Variants in SLC8A1 observed in about 807,000 individuals in gnomAD.
SLC8A1 encodes sodium/calcium exchanger 1.
SLC8A1 carries 18 observed loss-of-function variants against 68.3 expected under a neutral mutation model. The observed-to-expected ratio is 0.26, with a 90% CI of 0.18 to 0.39. The LOEUF (loss-of-function observed/expected upper bound fraction) is 0.39. Among genes scored for constraint, SLC8A1 ranks in the 10% least tolerant of loss-of-function variants. The probability of loss-of-function intolerance (pLI) is 1.00; values close to 1 mark genes in which losing one functional copy is unlikely to be tolerated. For synonymous variants in SLC8A1, 475 were observed against 415.5 expected (o/e 1.14, Z -1.74); for missense variants, 985 against 1,156.7 (o/e 0.85, Z 2.15).
chr2:40,297,204 G>A (rs535690469), intron 2 of SLC8A1, among the ~76,000 whole-genome samples: 1 of 152,036 alleles, frequency 6.6e-6, no homozygotes, highest in Non-Finnish European at 1.5e-5. Context: ...ACCAGTGACT[G>A]CAAGACACAG....
intron 2 of SLC8A1, among the ~76,000 whole-genome samples, chr2:40,340,326 C>T (rs528614935): frequency 3.3e-5 from 5 of 152,058 alleles, no homozygotes; most frequent in African/African-American, 4.8e-5. Flanking sequence ...TTTGGGAGGC[C>T]GAGGCAGGTG....
rs17570920 is a variant in SLC8A1 at position 40,232,533 on chromosome 2, C to A, written c.1809-54678G>T. ...GGAAGGGAATTTAACCTTACATCCTCACATTGAATGGCCTTTGTGGAAGCA... is the reference window on the plus strand; with the variant it reads ...GGAAGGGAATTTAACCTTACATCCTAACATTGAATGGCCTTTGTGGAAGCA... On this transcript the variant is annotated intron_variant, in intron 2 of 7. Transcript: ENST00000406785. Among the ~76,000 whole-genome samples the A allele has an allele frequency of 3.3e-5, 5 of 149,950 alleles. No homozygotes were observed. In the South Asian group the frequency reaches 1.1e-3, roughly 32 times the overall value.
intron 2 of SLC8A1, among the ~76,000 whole-genome samples, chr2:40,364,875 T>C (rs1675637374): frequency 6.6e-6 from 1 of 152,054 alleles, no homozygotes; most frequent in Non-Finnish European, 1.5e-5. Context: ...TTTTAATTTT[T>C]TTTCTTGAGA....
At chr2:40,293,188 A>C (rs2069658295) in intron 2 of SLC8A1, among the ~76,000 whole-genome samples, 1 of 152,132 alleles carries the variant, frequency 6.6e-6, no homozygotes, top group Non-Finnish European at 1.5e-5. Context: ...TGACCTCGTT[A>C]ATTTTTATAG....
chr2:40,168,556 C>A (rs962135079), intron 4 of SLC8A1, among the ~76,000 whole-genome samples: 2 of 152,120 alleles, frequency 1.3e-5, no homozygotes, highest in African/African-American at 4.8e-5. Context: ...TTTTGACTGG[C>A]AAAAATGAGA....
intron 2 of SLC8A1, among the ~76,000 whole-genome samples, chr2:40,286,213 T>C (rs2068282386): frequency 6.6e-6 from 1 of 152,150 alleles, no homozygotes; most frequent in Non-Finnish European, 1.5e-5. Context: ...CAAACTATTT[T>C]TACTCCATTT....
At chr2:40,164,866 G>C (rs2046289362) in exon 5 of SLC8A1, 1 of 1,613,840 alleles carries the variant, frequency 6.2e-7, no homozygotes, top group Non-Finnish European at 8.5e-7. Flanking sequence ...TGAATTCATA[G>C]GATTCTTCAA....
chr2:40,294,330 T>C (rs2069914569), intron 2 of SLC8A1, among the ~76,000 whole-genome samples: 1 of 152,136 alleles, frequency 6.6e-6, no homozygotes, highest in South Asian at 2.1e-4. Flanking sequence ...TTTCACATAA[T>C]AACTCAATTT....
intron 2 of SLC8A1, among the ~76,000 whole-genome samples, chr2:40,271,510 C>G (rs2066024315): frequency 6.6e-6 from 1 of 152,282 alleles, no homozygotes; most frequent in East Asian, 1.9e-4. Flanking sequence ...CTCACTGAAC[C>G]TATTTTTCAC....
intron 5 of SLC8A1, among the ~76,000 whole-genome samples, chr2:40,164,120 C>T (rs1242907091): frequency 6.6e-6 from 1 of 151,500 alleles, no homozygotes; most frequent in African/African-American, 2.4e-5. Flanking sequence ...CCCCTGTGGT[C>T]TTCCCAGATG....
At chr2:40,139,270 A>T in intron 7 of SLC8A1, 131 bp downstream of exon 10, 1 of 1,003,226 alleles carries the variant, frequency 1.0e-6, no homozygotes. Context: ...ACATTTATTT[A>T]TACCTCAGGG....
At chr2:40,373,965 G>T (rs779876474) in intron 2 of SLC8A1, among the ~76,000 whole-genome samples, 2 of 152,116 alleles carry the variant, frequency 1.3e-5, no homozygotes, top group Non-Finnish European at 2.9e-5. Flanking sequence ...AAATTCACGT[G>T]CTCTTCTCAA....
At chr2:40,372,419 A>G (rs1171416540) in intron 2 of SLC8A1, among the ~76,000 whole-genome samples, 1 of 152,114 alleles carries the variant, frequency 6.6e-6, no homozygotes, top group African/African-American at 2.4e-5. Flanking sequence ...TTTTAAGTGG[A>G]AGCCACAAAC....
At chr2:40,331,650 A>G (rs959663946) in intron 2 of SLC8A1, among the ~76,000 whole-genome samples, 4 of 151,606 alleles carry the variant, frequency 2.6e-5, no homozygotes, top group African/African-American at 9.7e-5. Flanking sequence ...CTAGGGTGCA[A>G]TGGTGCGATC....
chr2:40,218,033 C>T (rs1468868487), intron 2 of SLC8A1, among the ~76,000 whole-genome samples: 7 of 152,036 alleles, frequency 4.6e-5, no homozygotes, highest in African/African-American at 1.2e-4. Context: ...TAATTTGTCT[C>T]AGTGGGGTAG....
intron 7 of SLC8A1, chr2:40,118,553 A>G (rs749755116): frequency 1.3e-5 from 2 of 150,814 alleles, no homozygotes; most frequent in Admixed American, 6.6e-5. Flanking sequence ...CTTGTACTTC[A>G]TTATTAAAAG....
chr2:40,339,106 G>A (rs1189307023), intron 2 of SLC8A1, among the ~76,000 whole-genome samples: 2 of 152,112 alleles, frequency 1.3e-5, no homozygotes. Flanking sequence ...CAAGATGATT[G>A]ATATTACTAA....
At chr2:40,400,173 A>G (rs897601062) in intron 2 of SLC8A1, among the ~76,000 whole-genome samples, 7 of 152,270 alleles carry the variant, frequency 4.6e-5, no homozygotes, top group Middle Eastern at 3.4e-3. Context: ...GGCTCTTGAG[A>G]CAGGAGTCTT....
At chr2:40,439,883 T>C (rs889903120) in intron 1 of SLC8A1, among the ~76,000 whole-genome samples, 10 of 152,156 alleles carry the variant, frequency 6.6e-5, no homozygotes, top group African/African-American at 2.4e-4. Context: ...ATCAGTGTTG[T>C]ATGCTACAAT....
Sources: gnomAD v4.1 joint callset for allele counts (sites outside exome capture counted in the v4.1 genomes callset) on GRCh38, gnomAD v4.1.1 for gene constraint, MANE v1.5 for transcripts, NCBI Gene and HGNC (gene_info 2026-07-23, HGNC 2026-07-21) for gene names.